The following UBE2G2 variants were observed in gnomAD, a reference collection of about 807,000 sequenced individuals.
UBE2G2 encodes ubiquitin conjugating enzyme E2 G2.
UBE2G2 carries 10 observed loss-of-function variants against 23.0 expected under a neutral mutation model. The ratio of observed to expected loss-of-function variants is 0.43; its 90% CI spans 0.27 to 0.74. The LOEUF (loss-of-function observed/expected upper bound fraction) is 0.74. Among genes scored for constraint, UBE2G2 ranks in the 30% least tolerant of loss-of-function variants. UBE2G2 has a pLI of 0.19. For synonymous variants in UBE2G2, 86 were observed against 81.3 expected (o/e 1.06, Z -0.31); for missense variants, 150 against 218.3 (o/e 0.69, Z 1.97).
At position 44,769,189 on chromosome 21, in the gene UBE2G2, C is replaced by T. The variant is rs952207951; in HGVS notation, c.*2188G>A. 2.0e-5 allele frequency: 3 copies of T among 152,180 alleles called. No homozygotes were observed. Among genetic ancestry groups the T allele is most frequent in the East Asian group, 1.9e-4 (1 of 5,194 alleles). 9.4% of individuals were successfully genotyped at this position (152,180 alleles called of 1,614,324 possible). On this transcript the variant is annotated 3_prime_UTR_variant, in exon 6 of 6. Transcript: ENST00000345496. ...AAGAGACTGCCTCTCCTCCCTCTCCCGATCTCACAGAAGCCTCCAGGCAAT... is the reference window on the plus strand; with the variant it reads ...AAGAGACTGCCTCTCCTCCCTCTCCTGATCTCACAGAAGCCTCCAGGCAAT...
chr21:44,783,044 T>C (rs538121641), intron 3 of UBE2G2, among the ~76,000 whole-genome samples: 5 of 152,358 alleles, frequency 3.3e-5, no homozygotes, highest in South Asian at 2.1e-4. Flanking sequence ...GAAGGACTTG[T>C]ATCAAAATAT....
intron 3 of UBE2G2, among the ~76,000 whole-genome samples, chr21:44,779,374 G>GT: frequency 7.3e-6 from 1 of 136,258 alleles, no homozygotes; most frequent in African/African-American, 2.7e-5. Context: ...GCTGGGGTGG[G>GT]GGGGGGGTAC....
At chr21:44,788,685 C>T (rs1392617128) in intron 1 of UBE2G2, among the ~76,000 whole-genome samples, 2 of 151,684 alleles carry the variant, frequency 1.3e-5, no homozygotes, top group Non-Finnish European at 2.9e-5. Flanking sequence ...TCTTTCCAAA[C>T]TGTTCCTGCT....
chr21:44,775,740 A>G (rs1243748196), intron 4 of UBE2G2, among the ~76,000 whole-genome samples: 1 of 152,154 alleles, frequency 6.6e-6, no homozygotes, highest in Non-Finnish European at 1.5e-5. Flanking sequence ...ATTACCTACA[A>G]TCCTCTTCAT....
Position 44,792,767 on chromosome 21 carries a change from T to G in UBE2G2, c.44-4672A>C, listed in dbSNP as rs578258972. Among the ~76,000 whole-genome samples the G allele has an allele frequency of 1.7e-4, 26 of 152,326 alleles. 1 individual carries two copies. The East Asian group carries it at 3.3e-3, about 19-fold the overall frequency. On this transcript the variant is annotated intron_variant, in intron 1 of 5. Transcript: ENST00000345496. ...CACTCAAAATACCACTAACACCTGC[T>G]GAGAAGCCCTGATCCAGGAAACAGA...
chr21:44,801,314 C>T (rs2146412753), intron 1 of UBE2G2: 1 of 1,043,430 alleles, frequency 9.6e-7, no homozygotes, highest in Non-Finnish European at 1.2e-6. Context: ...AGCCTTTCCC[C>T]TTTTAACGCA....
chr21:44,783,733 A>AT lies in UBE2G2; in HGVS notation c.125+4186dup, dbSNP rs2082974123. Among the ~76,000 whole-genome samples the AT allele has an allele frequency of 2.0e-5, 3 of 152,258 alleles. No homozygotes were observed. In the South Asian group the frequency reaches 6.2e-4, roughly 32 times the overall value. On this transcript the variant is annotated intron_variant, in intron 3 of 5. Coordinates refer to ENST00000345496, the MANE Select transcript of UBE2G2 (RefSeq NM_003343.6). ...GAATGGGAACTGTCTGCACATAGACATAAGAATCTTTTTGGAAATGTTCTA... is the reference window on the plus strand; with the variant it reads ...GAATGGGAACTGTCTGCACATAGACATTAAGAATCTTTTTGGAAATGTTCTA...
intron 1 of UBE2G2, among the ~76,000 whole-genome samples, chr21:44,793,803 A>G (rs1020468179): frequency 1.3e-5 from 2 of 152,218 alleles, no homozygotes; most frequent in African/African-American, 4.8e-5. Context: ...CATCCCACAG[A>G]TAACATTGGT....
intron 3 of UBE2G2, among the ~76,000 whole-genome samples, chr21:44,784,953 G>T (rs2082983956): frequency 1.3e-5 from 2 of 152,278 alleles, no homozygotes; most frequent in Admixed American, 1.3e-4. Flanking sequence ...GGCCACTGGG[G>T]ATGAACAGCT....
chr21:44,781,218 G>C (rs1555961293), intron 3 of UBE2G2, among the ~76,000 whole-genome samples: 1 of 152,218 alleles, frequency 6.6e-6, no homozygotes, highest in African/African-American at 2.4e-5. Context: ...AGCTGAGCTG[G>C]AGACGGGAAG....
At chr21:44,791,028 G>A (rs2083038838) in intron 1 of UBE2G2, among the ~76,000 whole-genome samples, 1 of 152,190 alleles carries the variant, frequency 6.6e-6, no homozygotes, top group South Asian at 2.1e-4. Flanking sequence ...GAACTTCTTG[G>A]GAACTGGAGC....
At chr21:44,780,113 G>A (rs1033300858) in intron 3 of UBE2G2, among the ~76,000 whole-genome samples, 4 of 152,204 alleles carry the variant, frequency 2.6e-5, no homozygotes, top group African/African-American at 7.2e-5. Context: ...CCACCAGGTC[G>A]TTCCTAGCCT....
rs1321367815 is a variant in UBE2G2 at position 44,769,705 on chromosome 21, G to A, written c.*1672C>T. 2.0e-5 allele frequency: 3 copies of A among 152,214 alleles called. No individual in the cohort carries two copies. The highest frequency in any genetic ancestry group is 4.4e-5 in the Non-Finnish European group (3 of 68,072). The allele number at this position is 152,214 out of a possible 1,614,324, so 9.4% of individuals were successfully genotyped here. A position where few individuals can be genotyped will look rare whatever the true frequency, so the allele number is the denominator to read the frequency against. ...CAAATTTTAAATGAGCCCCTTGTGA[G>A]AAGGAAAAGAATCTGCTGTCCACAG... On this transcript the variant is annotated 3_prime_UTR_variant, in exon 6 of 6. Transcript: ENST00000345496.
chr21:44,772,707 G>C lies in UBE2G2; in HGVS notation c.385+840C>G, dbSNP rs929096187. ...CAGAGCAGCACCTCTGGTAGACAAA[G>C]AACCAGGAGTCCCAGAGCCTGTACC... is the stretch of plus-strand genomic sequence containing the variant. On this transcript the variant is annotated intron_variant, in intron 5 of 5. Transcript: ENST00000345496. This position sits in a 1 kb window ranked among gnomAD's most constrained non-coding sequence, Gnocchi z 5.4. Among the ~76,000 whole-genome samples, 1 of 152,104 alleles carries C rather than the reference G, an allele frequency of 6.6e-6. No individual in the cohort carries two copies. The highest frequency in any genetic ancestry group is 1.9e-4 in the East Asian group (1 of 5,194).
rs2082883323 is a variant in UBE2G2 at position 44,772,772 on chromosome 21, G to T, written c.385+775C>A. Among the ~76,000 whole-genome samples, 1 of 152,026 alleles carries T rather than the reference G, an allele frequency of 6.6e-6. No homozygotes were observed. On this transcript the variant is annotated intron_variant, in intron 5 of 5. Transcript: ENST00000345496. This position sits in a 1 kb window ranked among gnomAD's most constrained non-coding sequence, Gnocchi z 5.4. ...AACCCACCCCTTCCTCTTAGCCCTGGGACCACTCAGCCCTTCTCTTTTCTC... is the reference window on the plus strand; with the variant it reads ...AACCCACCCCTTCCTCTTAGCCCTGTGACCACTCAGCCCTTCTCTTTTCTC...
At chr21:44,780,327 G>C (rs528726350) in intron 3 of UBE2G2, among the ~76,000 whole-genome samples, 2 of 152,216 alleles carry the variant, frequency 1.3e-5, no homozygotes, top group African/African-American at 4.8e-5. Flanking sequence ...GGCAACTCCC[G>C]AGCCAGGAGT....
At chr21:44,797,740 A>AAAAAAAAAAAAAAAG (rs781868771) in intron 1 of UBE2G2, among the ~76,000 whole-genome samples, 1 of 114,386 alleles carries the variant, frequency 8.7e-6, no homozygotes, top group Non-Finnish European at 1.9e-5. Context: ...AAAAAAAAAA[A>AAAAAAAAAAAAAAAG]AGAGAAAATA....
chr21:44,773,253 G>C (rs782739475), intron 5 of UBE2G2, among the ~76,000 whole-genome samples: 1 of 152,184 alleles, frequency 6.6e-6, no homozygotes, highest in Non-Finnish European at 1.5e-5. Context: ...TACACCCCCA[G>C]TCCAGTGTGT....
At position 44,771,587 on chromosome 21, in the gene UBE2G2, C is replaced by T. The variant is rs2082875616; in HGVS notation, c.386-98G>A. Reference sequence around the variant, plus strand: ...TATTTAAAACACTGGCGGGGGCTTTCAAGAGCTGTGTCCCAGAAACAAAGA... The same window carrying T: ...TATTTAAAACACTGGCGGGGGCTTTTAAGAGCTGTGTCCCAGAAACAAAGA... On this transcript the variant is annotated intron_variant, in intron 5 of 5. Transcript: ENST00000345496. This position sits in a 1 kb window ranked among gnomAD's most constrained non-coding sequence, Gnocchi z 4.6. 1.6e-6 allele frequency: 2 copies of T among 1,269,990 alleles called. No homozygotes were observed. Among genetic ancestry groups the T allele is most frequent in the African/African-American group, 2.9e-5 (2 of 68,198 alleles). The allele number at this position is 1,269,990 out of a possible 1,614,324, so 78.7% of individuals were successfully genotyped here.
Sources: gnomAD v4.1 joint callset for allele counts (sites outside exome capture counted in the v4.1 genomes callset) on GRCh38, gnomAD v4.1.1 for gene constraint, Gnocchi (gnomAD v3.1) non-coding constraint, MANE v1.5 for transcripts, NCBI Gene and HGNC (gene_info 2026-07-23, HGNC 2026-07-21) for gene names.